The following DLC1 variants were observed in gnomAD, a reference collection of about 807,000 sequenced individuals.
DLC1 encodes DLC1 Rho GTPase activating protein, also known as rho GTPase-activating protein 7.
In DLC1, 54 loss-of-function variants were observed where a neutral mutation model predicts 140.3. The ratio of observed to expected loss-of-function variants is 0.38; its 90% confidence interval spans 0.31 to 0.48. The LOEUF is 0.48. Ranked by LOEUF, DLC1 falls within the 20% of genes least tolerant of loss-of-function variation. The pLI is 0.96. For synonymous variants in DLC1, 986 were observed against 728.1 expected (o/e 1.35, Z -5.70); for missense variants, 2,536 against 1,907.0 (o/e 1.33, Z -6.14).
intron 2 of DLC1, among the ~76,000 whole-genome samples, chr8:13,417,659 C>T (rs1005937346): frequency 2.0e-5 from 3 of 151,958 alleles, no homozygotes; most frequent in Admixed American, 1.3e-4. Context: ...TGAATAGTGC[C>T]GCAATAAACA....
Position 13,499,439 on chromosome 8 carries a change from C to G in DLC1, c.633G>C (p.Val211=), listed in dbSNP as rs942597530. The G allele has an allele frequency of 1.2e-5, 20 of 1,613,920 alleles. No individual in the cohort carries two copies. The East Asian group carries it at 4.5e-4, about 36-fold the overall frequency. Residue 211 remains valine (V), a synonymous_variant, in exon 2 of 18, where the codon GTG becomes GTC. Transcript: ENST00000276297. ...EIKDAPKVNA[V]DTLNVKDIAP... ...CAATATCTTTCACGTTCAAAGTATC[C>G]ACTGCATTTACTTTGGGTGCATCTT...
At chr8:13,143,189 T>C (rs928708006) in intron 5 of DLC1, among the ~76,000 whole-genome samples, 3 of 152,202 alleles carry the variant, frequency 2.0e-5, no homozygotes, top group East Asian at 1.9e-4. Context: ...GCTACTGATA[T>C]TAAGAACAAA....
At chr8:13,326,966 G>T (rs1452453655) in intron 4 of DLC1, among the ~76,000 whole-genome samples, 1 of 151,810 alleles carries the variant, frequency 6.6e-6, no homozygotes, top group Non-Finnish European at 1.5e-5. Flanking sequence ...GTTTTGTTTT[G>T]TTTTTTGAGA....
chr8:13,185,292 G>GTTTGTTTT (rs1243724233), intron 5 of DLC1, among the ~76,000 whole-genome samples: 2 of 114,220 alleles, frequency 1.8e-5, no homozygotes, highest in African/African-American at 6.5e-5. Flanking sequence ...TGTTTTTTTT[G>GTTTGTTTT]TTTGTTTGTT....
chr8:13,530,407 T>C (rs1264517118), intron 1 of DLC1, among the ~76,000 whole-genome samples: 2 of 152,218 alleles, frequency 1.3e-5, no homozygotes, highest in Non-Finnish European at 2.9e-5. Context: ...GTTGCTTCTC[T>C]AAGAGGTGGG....
chr8:13,112,276 G>A (rs556160869), intron 6 of DLC1, among the ~76,000 whole-genome samples: 3 of 152,298 alleles, frequency 2.0e-5, no homozygotes, highest in Non-Finnish European at 2.9e-5. Context: ...CAGCTCCTGC[G>A]GGTGCACAAC....
chr8:13,512,649 A>G (rs1418495555), intron 1 of DLC1, among the ~76,000 whole-genome samples: 1 of 152,132 alleles, frequency 6.6e-6, no homozygotes, highest in Non-Finnish European at 1.5e-5. Context: ...GCTAGATAGA[A>G]GAAAGGATGC....
chr8:13,361,862 AG>A (rs1379592987), intron 4 of DLC1, among the ~76,000 whole-genome samples: 1 of 152,212 alleles, frequency 6.6e-6, no homozygotes, highest in Non-Finnish European at 1.5e-5. Context: ...ATCTTCTATA[AG>A]TAAGTCATGA....
chr8:13,264,867 C>T (rs1830619230), intron 5 of DLC1, among the ~76,000 whole-genome samples: 1 of 152,158 alleles, frequency 6.6e-6, no homozygotes. Context: ...GCAACTTAAG[C>T]CACATGAGAC....
At chr8:13,294,471 TATC>T (rs1408618115) in intron 5 of DLC1, among the ~76,000 whole-genome samples, 1 of 152,128 alleles carries the variant, frequency 6.6e-6, no homozygotes, top group Non-Finnish European at 1.5e-5. Flanking sequence ...GAGCAGGAGT[TATC>T]ATAGAAGACT....
chr8:13,181,996 C>T (rs983255781), intron 5 of DLC1, among the ~76,000 whole-genome samples: 1 of 152,184 alleles, frequency 6.6e-6, no homozygotes, highest in Non-Finnish European at 1.5e-5. Context: ...TCTCCAGCAC[C>T]TGTTGTTTCC....
intron 2 of DLC1, among the ~76,000 whole-genome samples, chr8:13,450,555 T>C (rs1798993177): frequency 6.6e-6 from 1 of 151,794 alleles, no homozygotes; most frequent in African/African-American, 2.4e-5. Context: ...GAAAACAATA[T>C]TTGAATTTGA....
At chr8:13,447,398 G>C (rs1174749495) in intron 2 of DLC1, among the ~76,000 whole-genome samples, 2 of 152,098 alleles carry the variant, frequency 1.3e-5, no homozygotes, top group Admixed American at 1.3e-4. Flanking sequence ...GCATGAACCA[G>C]GTTTTGTTCA....
At chr8:13,143,566 C>T (rs1012938657) in intron 5 of DLC1, among the ~76,000 whole-genome samples, 1 of 151,822 alleles carries the variant, frequency 6.6e-6, no homozygotes, top group Non-Finnish European at 1.5e-5. Context: ...AGTGATCCTT[C>T]CTCCTCCGCC....
chr8:13,314,609 T>G (rs1832794652), intron 4 of DLC1, among the ~76,000 whole-genome samples: 1 of 152,212 alleles, frequency 6.6e-6, no homozygotes, highest in African/African-American at 2.4e-5. Context: ...CATGTTCATC[T>G]GTATTACCAA....
At chr8:13,592,740 A>G (rs1404459302) in intron 1 of DLC1, among the ~76,000 whole-genome samples, 3 of 152,150 alleles carry the variant, frequency 2.0e-5, no homozygotes, top group African/African-American at 7.2e-5. Context: ...AGCAGAGGAC[A>G]CTACTGCCCA....
chr8:13,466,958 AC>A (rs10714276), intron 2 of DLC1, among the ~76,000 whole-genome samples: 120,493 of 148,496 alleles, frequency 0.81, 49,975 homozygotes, highest in Middle Eastern at 0.94. Context: ...CAAAAAAAAA[AC>A]CCCTCCACGT....
chr8:13,463,472 G>T (rs746038238), intron 2 of DLC1, among the ~76,000 whole-genome samples: 36 of 152,174 alleles, frequency 2.4e-4, no homozygotes, highest in Non-Finnish European at 3.7e-4. Flanking sequence ...CAGACTAACA[G>T]AATATTTCCT....
intron 2 of DLC1, among the ~76,000 whole-genome samples, chr8:13,424,524 C>A (rs1039537921): frequency 3.9e-5 from 6 of 151,950 alleles, no homozygotes; most frequent in African/African-American, 1.2e-4. Context: ...AAAGTCAGAT[C>A]TCCAGTATTT....
Sources: gnomAD v4.1 joint callset for allele counts (sites outside exome capture counted in the v4.1 genomes callset) on GRCh38, gnomAD v4.1.1 for gene constraint, MANE v1.5 for transcripts, NCBI Gene and HGNC (gene_info 2026-07-23, HGNC 2026-07-21) for gene names.